The following PCDH15 variants were observed in gnomAD, a reference collection of about 807,000 sequenced individuals.
PCDH15 encodes the protein protocadherin related 15, also known as protocadherin-15.
In PCDH15, 129 loss-of-function variants were observed where a neutral mutation model predicts 178.5. That is an observed-to-expected ratio of 0.72 (90% CI 0.63 to 0.84). The LOEUF is 0.84. Among genes scored for constraint, PCDH15 ranks in the 40% least tolerant of loss-of-function variants. PCDH15 has a pLI of 0.00. For missense variants in PCDH15, 2,230 were observed against 2,099.9 expected (o/e 1.06, Z -1.21); for synonymous variants, 800 against 732.0 (o/e 1.09, Z -1.50).
At chr10:54,643,248 G>A (rs2094035959) in intron 2 of PCDH15, among the ~76,000 whole-genome samples, 1 of 152,120 alleles carries the variant, frequency 6.6e-6, no homozygotes, top group Non-Finnish European at 1.5e-5. Context: ...AACCTACTCT[G>A]ACATATGTTT....
intron 3 of PCDH15, among the ~76,000 whole-genome samples, chr10:54,849,975 T>C (rs901403839): frequency 6.6e-6 from 1 of 152,042 alleles, no homozygotes; most frequent in Non-Finnish European, 1.5e-5. Flanking sequence ...AATGGTGGGA[T>C]TGGGAGAGGT....
chr10:55,238,601 C>G (rs1319435317), intron 1 of PCDH15, among the ~76,000 whole-genome samples: 1 of 152,110 alleles, frequency 6.6e-6, no homozygotes, highest in Non-Finnish European at 1.5e-5. Flanking sequence ...AACAAGACCA[C>G]AAAAGTCTCA....
At chr10:54,724,925 T>C (rs1001389041) in intron 1 of PCDH15, among the ~76,000 whole-genome samples, 3 of 149,596 alleles carry the variant, frequency 2.0e-5, no homozygotes, top group South Asian at 2.1e-4. Context: ...GATATAGATA[T>C]AGATATATAA....
intron 17 of PCDH15, among the ~76,000 whole-genome samples, chr10:54,070,601 G>T (rs1047466671): frequency 2.0e-5 from 3 of 150,660 alleles, no homozygotes; most frequent in African/African-American, 7.3e-5. Flanking sequence ...CATTGTTGTT[G>T]TTTTTTTTGA....
At chr10:55,363,685 G>A (rs1845285514) in intron 2 of PCDH15, among the ~76,000 whole-genome samples, 1 of 152,030 alleles carries the variant, frequency 6.6e-6, no homozygotes, top group African/African-American at 2.4e-5. Context: ...GCACAGGCTG[G>A]AGTGCAATGG....
chr10:53,956,402 CCTT>C (rs1171230228), intron 23 of PCDH15, among the ~76,000 whole-genome samples: 1 of 151,990 alleles, frequency 6.6e-6, no homozygotes, highest in Non-Finnish European at 1.5e-5. Context: ...TAATCATTAG[CCTT>C]AAGTTTCTTT....
intron 18 of PCDH15, among the ~76,000 whole-genome samples, chr10:54,047,399 T>C (rs1362715827): frequency 2.0e-5 from 3 of 151,934 alleles, no homozygotes; most frequent in Non-Finnish European, 4.4e-5. Flanking sequence ...ACTTTTTTTT[T>C]TTTATTTCAA....
At position 54,325,864 on chromosome 10, in the gene PCDH15, G is replaced by A. The variant is rs112329565; in HGVS notation, c.705+3732C>T. Among the ~76,000 whole-genome samples, 973 of 152,016 alleles carry A rather than the reference G, an allele frequency of 6.4e-3. 13 individuals are homozygous for A. The highest frequency in any genetic ancestry group is 0.022 in the African/African-American group (917 of 41,448). On this transcript the variant is annotated intron_variant, in intron 7 of 37. Transcript: ENST00000644397. ...GCGGAGGTTGCAGTGAGCTGAGATC[G>A]CACCACTGTACTTCAGCCTGGGTGA...
intron 1 of PCDH15, among the ~76,000 whole-genome samples, chr10:55,174,136 T>C (rs1839416006): frequency 6.6e-6 from 1 of 152,206 alleles, no homozygotes; most frequent in African/African-American, 2.4e-5. Context: ...TGAAATCGAT[T>C]TTAAATTGAT....
At chr10:53,867,926 A>G (rs2133174589) in intron 26 of PCDH15, among the ~76,000 whole-genome samples, 1 of 152,238 alleles carries the variant, frequency 6.6e-6, no homozygotes, top group South Asian at 2.1e-4. Flanking sequence ...GGTGATAGGT[A>G]CTTATGATCC....
chr10:55,047,935 C>T (rs1301194277), intron 2 of PCDH15, among the ~76,000 whole-genome samples: 1 of 151,712 alleles, frequency 6.6e-6, no homozygotes, highest in East Asian at 1.9e-4. Flanking sequence ...GATTGTGTTA[C>T]TAAGTTGAAA....
intron 2 of PCDH15, among the ~76,000 whole-genome samples, chr10:55,541,123 G>C (rs1364282365): frequency 6.6e-6 from 1 of 152,052 alleles, no homozygotes. Context: ...TTTGCAAATA[G>C]AGGCTAAGAA....
chr10:54,849,139 T>A (rs1953565678), intron 3 of PCDH15, among the ~76,000 whole-genome samples: 4 of 152,236 alleles, frequency 2.6e-5, no homozygotes, highest in Admixed American at 2.6e-4. Flanking sequence ...AATAACATGT[T>A]CAGTTAAATT....
intron 3 of PCDH15, among the ~76,000 whole-genome samples, chr10:54,465,667 T>C (rs2077470720): frequency 6.6e-6 from 1 of 152,048 alleles, no homozygotes; most frequent in Non-Finnish European, 1.5e-5. Context: ...GTTGATTCCA[T>C]ATCTCTGTTA....
intron 2 of PCDH15, among the ~76,000 whole-genome samples, chr10:55,442,996 G>A (rs1589032142): frequency 6.6e-6 from 1 of 152,034 alleles, no homozygotes; most frequent in African/African-American, 2.4e-5. Context: ...GAATTCACTC[G>A]TTATCTTGGT....
intron 2 of PCDH15, among the ~76,000 whole-genome samples, chr10:54,954,207 C>A (rs1482287738): frequency 1.3e-5 from 2 of 151,284 alleles, no homozygotes; most frequent in Non-Finnish European, 3.0e-5. Context: ...GCAATTTAAT[C>A]TCTTGTCTCC....
intron 2 of PCDH15, among the ~76,000 whole-genome samples, chr10:55,624,574 T>C (rs1837483901): frequency 6.6e-6 from 1 of 152,142 alleles, no homozygotes; most frequent in Admixed American, 6.5e-5. Context: ...GGGCAAACTT[T>C]TTAATTAATA....
intron 26 of PCDH15, among the ~76,000 whole-genome samples, chr10:53,883,136 T>A (rs1055313768): frequency 1.4e-5 from 2 of 147,034 alleles, no homozygotes. Context: ...TAAAAATACA[T>A]AAGAATACAC....
chr10:55,250,134 T>A (rs932763788), intron 1 of PCDH15, among the ~76,000 whole-genome samples: 1 of 152,064 alleles, frequency 6.6e-6, no homozygotes, highest in Non-Finnish European at 1.5e-5. Context: ...TAACTTAATT[T>A]ATTTAATTTA....
Sources: gnomAD v4.1 joint callset for allele counts (sites outside exome capture counted in the v4.1 genomes callset) on GRCh38, gnomAD v4.1.1 for gene constraint, MANE v1.5 for transcripts, NCBI Gene and HGNC (gene_info 2026-07-23, HGNC 2026-07-21) for gene names.